JCAD: variants seen among roughly 807,000 people sequenced by gnomAD.
JCAD encodes the protein junctional cadherin 5-associated protein.
A neutral mutation model predicts 98.0 loss-of-function variants in JCAD; 40 were observed. The observed-to-expected ratio is 0.41, with a 90% CI of 0.32 to 0.53. JCAD has a LOEUF of 0.53. Ranked by LOEUF, JCAD falls within the 20% of genes least tolerant of loss-of-function variation. The pLI, the probability that JCAD is intolerant of heterozygous loss-of-function variation, is 0.31. For missense variants in JCAD, 1,705 were observed against 1,738.1 expected (o/e 0.98, Z 0.34); for synonymous variants, 691 against 682.3 (o/e 1.01, Z -0.20).
intron 2 of JCAD, among the ~76,000 whole-genome samples, chr10:30,035,975 A>C (rs1474334607): frequency 1.3e-5 from 2 of 152,178 alleles, no homozygotes; most frequent in Non-Finnish European, 2.9e-5. Context: ...GAAACATCTG[A>C]AATATGAGCA....
At chr10:30,050,599 C>T (rs1403968981) in intron 1 of JCAD, among the ~76,000 whole-genome samples, 1 of 152,186 alleles carries the variant, frequency 6.6e-6, no homozygotes, top group Non-Finnish European at 1.5e-5. Flanking sequence ...GTGCTACAGT[C>T]CATTTGTCAG....
At chr10:30,034,182 C>A (rs1837065393) in intron 2 of JCAD, among the ~76,000 whole-genome samples, 5 of 151,842 alleles carry the variant, frequency 3.3e-5, no homozygotes. Flanking sequence ...GAGACCATGC[C>A]ACTGCACTCC....
intron 2 of JCAD, among the ~76,000 whole-genome samples, chr10:30,068,117 G>A (rs1471345366): frequency 2.0e-5 from 3 of 152,068 alleles, no homozygotes; most frequent in African/African-American, 7.2e-5. Context: ...GGCCGGGTGC[G>A]GTGGCTCAGG....
chr10:30,092,365 G>T (rs1039539918), intron 1 of JCAD, among the ~76,000 whole-genome samples: 4 of 151,648 alleles, frequency 2.6e-5, no homozygotes, highest in Non-Finnish European at 5.9e-5. Context: ...TGTAACTCCA[G>T]CTCCTCCTGG....
At chr10:30,080,974 C>G (rs1838072645) in intron 1 of JCAD, among the ~76,000 whole-genome samples, 1 of 152,236 alleles carries the variant, frequency 6.6e-6, no homozygotes, top group African/African-American at 2.4e-5. Flanking sequence ...AACAGATTCT[C>G]TCTTCTCACC....
At chr10:30,114,874 TGATA>T (rs1490496019) in intron 1 of JCAD, among the ~76,000 whole-genome samples, 4 of 151,996 alleles carry the variant, frequency 2.6e-5, no homozygotes, top group Non-Finnish European at 2.9e-5. Context: ...ACATAATAGA[TGATA>T]GATAGATAGA....
intron 1 of JCAD, among the ~76,000 whole-genome samples, chr10:30,089,695 A>G (rs377350434): frequency 2.7e-4 from 41 of 152,158 alleles, no homozygotes; most frequent in African/African-American, 8.2e-4. Context: ...AGCCAGTGAC[A>G]GTGTCTGATT....
chr10:30,111,788 G>T (rs1043314784), intron 1 of JCAD, among the ~76,000 whole-genome samples: 6 of 152,162 alleles, frequency 3.9e-5, no homozygotes. Flanking sequence ...GTAGGATGGC[G>T]ATCATAAAAA....
intron 1 of JCAD, among the ~76,000 whole-genome samples, chr10:30,083,201 A>G (rs1329580313): frequency 6.6e-6 from 1 of 152,160 alleles, no homozygotes; most frequent in Non-Finnish European, 1.5e-5. Flanking sequence ...AATAATCTCT[A>G]ATTTTATAGA....
At chr10:30,115,067 C>A (rs754092760) in intron 1 of JCAD, among the ~76,000 whole-genome samples, 3 of 152,202 alleles carry the variant, frequency 2.0e-5, no homozygotes, top group Non-Finnish European at 4.4e-5. Context: ...GTGAATAAGA[C>A]CAACCGACTG....
intron 3 of JCAD, among the ~76,000 whole-genome samples, chr10:30,018,359 G>A (rs1412702240): frequency 6.8e-6 from 1 of 146,722 alleles, no homozygotes; most frequent in Non-Finnish European, 1.5e-5. Context: ...GCATCTTTGT[G>A]ATCAAACGCT....
chr10:30,069,760 G>C (rs1451339553), exon 2 of JCAD: 2 of 152,160 alleles, frequency 1.3e-5, no homozygotes, highest in African/African-American at 4.8e-5. Flanking sequence ...GGGAAGTCAA[G>C]GTTGCAGTGA....
intron 2 of JCAD, among the ~76,000 whole-genome samples, chr10:30,065,990 T>G (rs1837778092): frequency 1.3e-5 from 2 of 152,154 alleles, no homozygotes; most frequent in African/African-American, 4.8e-5. Context: ...TTTAAGGAAA[T>G]GCCCAGATGA....
At chr10:30,080,482 C>A (rs1838062105) in intron 1 of JCAD, among the ~76,000 whole-genome samples, 1 of 152,212 alleles carries the variant, frequency 6.6e-6, no homozygotes. Context: ...GTTGGCCTTA[C>A]TCTACAGACT....
chr10:30,103,883 C>T (rs1838515708), intron 1 of JCAD, among the ~76,000 whole-genome samples: 2 of 152,044 alleles, frequency 1.3e-5, no homozygotes, highest in Admixed American at 1.3e-4. Context: ...AGGCATGCAC[C>T]ATCACGCTTG....
chr10:30,086,342 T>G (rs191392930), intron 1 of JCAD, among the ~76,000 whole-genome samples: 45 of 152,310 alleles, frequency 3.0e-4, no homozygotes, highest in Non-Finnish European at 5.6e-4. Context: ...AAAGGGAGCA[T>G]TCACTGACAG....
chr10:30,073,681 G>GCTTCCTTCCTTCCTTCCTTGCTTCCTTC, intron 1 of JCAD, among the ~76,000 whole-genome samples: 1 of 137,896 alleles, frequency 7.3e-6, no homozygotes, highest in Non-Finnish European at 1.5e-5. Flanking sequence ...TTCCTTCCTT[G>GCTTCCTTCCTTCCTTCCTTGCTTCCTTC]CTTCCTTCCT....
chr10:30,110,757 G>A (rs1488004779), intron 1 of JCAD, among the ~76,000 whole-genome samples: 1 of 151,950 alleles, frequency 6.6e-6, no homozygotes, highest in Non-Finnish European at 1.5e-5. Flanking sequence ...CCTGATGAGT[G>A]ACCCACCAAT....
chr10:30,022,338 A>C (rs1034569976), intron 3 of JCAD, among the ~76,000 whole-genome samples: 2 of 152,110 alleles, frequency 1.3e-5, no homozygotes. Context: ...ATGGGCTACA[A>C]ATTTAGGAGC....
Sources: allele counts gnomAD v4.1 joint callset (sites outside exome capture counted in the v4.1 genomes callset), GRCh38; gene constraint gnomAD v4.1.1; transcripts MANE v1.5; gene names NCBI Gene and HGNC (gene_info 2026-07-23, HGNC 2026-07-21).